The following ASTN2 variants were observed in gnomAD, a reference collection of about 807,000 sequenced individuals.
ASTN2 encodes astrotactin-2.
Under a neutral mutation model 139.8 loss-of-function variants are expected in ASTN2, and 54 were observed. That is an observed-to-expected ratio of 0.39 (90% CI 0.31 to 0.48). The LOEUF (loss-of-function observed/expected upper bound fraction) is 0.48, where lower values mean the gene tolerates loss of function less well. Ranked by LOEUF, ASTN2 falls within the 20% of genes least tolerant of loss-of-function variation. The probability of loss-of-function intolerance (pLI) is 0.95; values close to 1 mark genes in which losing one functional copy is unlikely to be tolerated. For missense variants in ASTN2, 1,565 were observed against 1,725.1 expected (o/e 0.91, Z 1.64); for synonymous variants, 756 against 719.5 (o/e 1.05, Z -0.81).
At chr9:117,188,664 T>A (rs917492241) in intron 3 of ASTN2, among the ~76,000 whole-genome samples, 1 of 152,160 alleles carries the variant, frequency 6.6e-6, no homozygotes, top group Non-Finnish European at 1.5e-5. Context: ...GGGTTCAGCA[T>A]TCATTCCACG....
At chr9:117,145,356 G>A (rs903539722) in intron 3 of ASTN2, among the ~76,000 whole-genome samples, 9 of 152,152 alleles carry the variant, frequency 5.9e-5, no homozygotes, top group Non-Finnish European at 8.8e-5. Context: ...TGTGCTGGCT[G>A]TTCTCCATTT....
chr9:116,743,462 CAGG>C (rs1179825572), intron 13 of ASTN2, among the ~76,000 whole-genome samples: 1 of 152,078 alleles, frequency 6.6e-6, no homozygotes, highest in African/African-American at 2.4e-5. Flanking sequence ...GAGGCTGAGG[CAGG>C]AGAATGGCGT....
At chr9:117,188,980 C>T (rs1408670007) in intron 3 of ASTN2, among the ~76,000 whole-genome samples, 4 of 152,058 alleles carry the variant, frequency 2.6e-5, no homozygotes, top group Non-Finnish European at 5.9e-5. Flanking sequence ...GAATGGCCGT[C>T]CATTCTCACC....
chr9:116,980,712 A>G (rs1019722300), intron 7 of ASTN2, among the ~76,000 whole-genome samples: 1 of 152,148 alleles, frequency 6.6e-6, no homozygotes, highest in Non-Finnish European at 1.5e-5. Context: ...CTCTAGCAAG[A>G]TCTCCATCAA....
At chr9:117,228,942 TA>T (rs1832800824) in intron 2 of ASTN2, among the ~76,000 whole-genome samples, 1 of 151,908 alleles carries the variant, frequency 6.6e-6, no homozygotes, top group African/African-American at 2.4e-5. Context: ...AGGCGGAGGT[TA>T]AAGTGAGCTG....
intron 13 of ASTN2, among the ~76,000 whole-genome samples, chr9:116,747,174 A>G (rs185862004): frequency 7.4e-4 from 112 of 152,280 alleles, no homozygotes; most frequent in Non-Finnish European, 1.4e-3. Context: ...TGCATATACA[A>G]TCTCATTTCA....
chr9:117,337,851 G>C (rs1828935513), intron 1 of ASTN2, among the ~76,000 whole-genome samples: 1 of 152,106 alleles, frequency 6.6e-6, no homozygotes. Context: ...GGGGTGGGAG[G>C]CCAAGGTGCT....
At chr9:116,695,883 G>T (rs1860822601) in intron 16 of ASTN2, among the ~76,000 whole-genome samples, 1 of 152,134 alleles carries the variant, frequency 6.6e-6, no homozygotes, top group South Asian at 2.1e-4. Context: ...AAACTGTCTT[G>T]ATAAGGCACT....
chr9:117,141,388 T>C lies in ASTN2; in HGVS notation c.1106A>G (p.Gln369Arg). The C allele has an allele frequency of 7.3e-7, 1 of 1,367,578 alleles. No individual in the cohort carries two copies. The highest frequency in any genetic ancestry group is 9.8e-7 in the Non-Finnish European group (1 of 1,021,842). 84.7% of individuals were successfully genotyped at this position (1,367,578 alleles called of 1,614,324 possible). Residue 369 changes from glutamine to arginine, a missense_variant, in exon 4 of 23, where the codon CAG becomes CGG. Gln to Arg is a conservative substitution (Grantham distance 43). This residue lies in a region of ASTN2 where 596 missense variants were observed against 576.8 expected (regional missense o/e 1.03). Coordinates refer to ENST00000313400, the MANE Select transcript of ASTN2 (RefSeq NM_001365068.1). ...FRANTPIEIGQLQPPLRSTSA... is the reference protein window; with the variant it reads ...FRANTPIEIGRLQPPLRSTSA... ...TGTGCTGCGCAGGGGTGGTTGCAGC[T>C]GACCGATCTCGATGGGCGTGTTAGC...
intron 5 of ASTN2, among the ~76,000 whole-genome samples, chr9:117,069,227 T>C (rs1828039573): frequency 1.0e-5 from 1 of 97,694 alleles, no homozygotes; most frequent in African/African-American, 4.6e-5. Flanking sequence ...CTCGTTGGTT[T>C]CAAAGAACAT....
At chr9:116,636,970 C>T (rs922320454) in intron 17 of ASTN2, among the ~76,000 whole-genome samples, 1 of 152,156 alleles carries the variant, frequency 6.6e-6, no homozygotes, top group African/African-American at 2.4e-5. Flanking sequence ...GTCCTTTCTG[C>T]CATGTTAAGG....
At position 116,646,045 on chromosome 9, in the gene ASTN2, T is replaced by C. The variant is rs557439821; in HGVS notation, c.3072+5483A>G. On this transcript the variant is annotated intron_variant, in intron 17 of 22. Transcript: ENST00000313400. ...ATTATCTCTTTTGATTCCCATGAAG[T>C]AGGGATTGTGAGACCACATTTTACA... Among the ~76,000 whole-genome samples the C allele has an allele frequency of 4.9e-4, 74 of 152,298 alleles. No homozygotes were observed. In the South Asian group the frequency reaches 6.0e-3, roughly 12 times the overall value.
At chr9:117,154,468 T>G (rs902006690) in intron 3 of ASTN2, among the ~76,000 whole-genome samples, 2 of 152,060 alleles carry the variant, frequency 1.3e-5, no homozygotes, top group Non-Finnish European at 2.9e-5. Flanking sequence ...TCAAGTTCCA[T>G]GTTAGTTGCT....
chr9:117,335,004 T>C (rs1828837162), intron 1 of ASTN2, among the ~76,000 whole-genome samples: 1 of 152,106 alleles, frequency 6.6e-6, no homozygotes, highest in Non-Finnish European at 1.5e-5. Context: ...GCAGTGAGCA[T>C]AGATCATGCT....
chr9:116,804,829 TGTGTGTGTGTAC>T (rs1830988275), intron 13 of ASTN2, among the ~76,000 whole-genome samples: 1 of 152,030 alleles, frequency 6.6e-6, no homozygotes, highest in Non-Finnish European at 1.5e-5. Flanking sequence ...AAAAGTATAA[TGTGTGTGTGTAC>T]GTGTGTGTGT....
intron 5 of ASTN2, among the ~76,000 whole-genome samples, chr9:117,040,415 A>G (rs1334077): frequency 0.48 from 72,540 of 151,872 alleles, 18,077 homozygotes; most frequent in Middle Eastern, 0.61. Context: ...TTTGGCCCTC[A>G]TTGGCTCTGT....
intron 4 of ASTN2, among the ~76,000 whole-genome samples, chr9:117,136,455 C>T (rs915559344): frequency 2.0e-5 from 3 of 152,206 alleles, no homozygotes; most frequent in Non-Finnish European, 2.9e-5. Flanking sequence ...TTCTTTTGAG[C>T]ACAGCTGCAG....
intron 5 of ASTN2, among the ~76,000 whole-genome samples, chr9:117,060,739 A>G (rs1019214457): frequency 6.6e-6 from 1 of 151,076 alleles, no homozygotes; most frequent in African/African-American, 2.4e-5. Flanking sequence ...TAAAAATACA[A>G]AAAAAATTAG....
intron 7 of ASTN2, among the ~76,000 whole-genome samples, chr9:116,978,781 AG>A (rs1836428709): frequency 6.9e-6 from 1 of 145,184 alleles, no homozygotes; most frequent in Non-Finnish European, 1.5e-5. Flanking sequence ...TATTTTATGC[AG>A]GCTTCAGGGA....
Sources: gnomAD v4.1 joint callset for allele counts (sites outside exome capture counted in the v4.1 genomes callset) on GRCh38, gnomAD v4.1.1 for gene constraint, gnomAD v4.1.1 regional missense constraint, MANE v1.5 for transcripts, NCBI Gene and HGNC (gene_info 2026-07-23, HGNC 2026-07-21) for gene names.